PTPRT: variants seen among roughly 807,000 people sequenced by gnomAD.
The protein encoded by PTPRT is receptor-type tyrosine-protein phosphatase T.
In PTPRT, 56 loss-of-function variants were observed where a neutral mutation model predicts 176.8. That is an observed-to-expected ratio of 0.32 (90% CI 0.26 to 0.40). The LOEUF is 0.40. PTPRT is among the 10% of genes least tolerant of loss of function. The probability of loss-of-function intolerance (pLI) is 1.00; values close to 1 mark genes in which losing one functional copy is unlikely to be tolerated. For synonymous variants in PTPRT, 783 were observed against 739.0 expected (o/e 1.06, Z -0.96); for missense variants, 1,540 against 1,908.2 (o/e 0.81, Z 3.60).
At chr20:42,697,108 C>A (rs6102993) in intron 6 of PTPRT, among the ~76,000 whole-genome samples, 2 of 151,836 alleles carry the variant, frequency 1.3e-5, no homozygotes, top group Non-Finnish European at 2.9e-5. Context: ...AAGGTACAAG[C>A]GGATGCACCA....
intron 9 of PTPRT, among the ~76,000 whole-genome samples, chr20:42,407,354 G>A (rs1434821282): frequency 6.6e-6 from 1 of 152,144 alleles, no homozygotes; most frequent in Non-Finnish European, 1.5e-5. Flanking sequence ...AGTTATAAAA[G>A]CCAATGCATT....
chr20:42,078,693 C>T lies in PTPRT; in HGVS notation c.*2186G>A, dbSNP rs1048490459. 6.7e-5 allele frequency: 12 copies of T among 179,028 alleles called. No homozygotes were observed. Among genetic ancestry groups the T allele is most frequent in the East Asian group, 5.6e-4 (6 of 10,750 alleles). 11.1% of individuals were successfully genotyped at this position (179,028 alleles called of 1,614,324 possible). On this transcript the variant is annotated 3_prime_UTR_variant, in exon 31 of 31. Coordinates refer to ENST00000373187, the MANE Select transcript of PTPRT (RefSeq NM_007050.6). ...CCCTGGCTCATCTCTTGCTGCTCCC[C>T]GTGTTGTGCTGTGCCCGCACTGGGC...
intron 26 of PTPRT, among the ~76,000 whole-genome samples, chr20:42,099,634 T>C (rs916751961): frequency 4.1e-5 from 6 of 147,500 alleles, no homozygotes; most frequent in Non-Finnish European, 5.9e-5. Context: ...TTTGAAAAGA[T>C]TGGGAAGATT....
Position 42,738,763 on chromosome 20 carries a change from A to G in PTPRT, c.859+17699T>C, listed in dbSNP as rs139292437. On this transcript the variant is annotated intron_variant, in intron 6 of 30. Transcript: ENST00000373187. ...TGGCACTGTCCAGGTGTATATTTCT[A>G]TACTAATTTAACAAAGTGGCAAATG... 2.1e-3 allele frequency among the ~76,000 whole-genome samples: 326 copies of G among 152,252 alleles called. 1 individual carries two copies. The highest frequency in any genetic ancestry group is 7.6e-3 in the African/African-American group (315 of 41,562).
intron 4 of PTPRT, among the ~76,000 whole-genome samples, chr20:42,774,504 C>T (rs964167745): frequency 2.0e-5 from 3 of 152,186 alleles, no homozygotes; most frequent in African/African-American, 7.2e-5. Flanking sequence ...GAAATCCAGA[C>T]TTTATATGAA....
At chr20:42,160,448 C>CA (rs1989542466) in intron 17 of PTPRT, among the ~76,000 whole-genome samples, 1 of 108,526 alleles carries the variant, frequency 9.2e-6, no homozygotes, top group Non-Finnish European at 1.7e-5. Flanking sequence ...GGATTTGAAA[C>CA]AAAAAGAGTG....
intron 7 of PTPRT, among the ~76,000 whole-genome samples, chr20:42,646,424 G>C (rs1314138877): frequency 6.6e-6 from 1 of 152,094 alleles, no homozygotes; most frequent in African/African-American, 2.4e-5. Flanking sequence ...TTGAGTTATT[G>C]CAACAGAGGT....
intron 9 of PTPRT, among the ~76,000 whole-genome samples, chr20:42,446,142 C>G (rs74690377): frequency 6.6e-6 from 1 of 152,148 alleles, no homozygotes; most frequent in Admixed American, 6.5e-5. Flanking sequence ...AGAGATATGA[C>G]TCCACCTGCA....
intron 1 of PTPRT, among the ~76,000 whole-genome samples, chr20:43,069,404 A>T (rs1220864694): frequency 6.6e-6 from 1 of 152,240 alleles, no homozygotes; most frequent in African/African-American, 2.4e-5. Flanking sequence ...ATTAACATCA[A>T]AATGATGACA....
intron 9 of PTPRT, among the ~76,000 whole-genome samples, chr20:42,382,519 G>T (rs2058706634): frequency 6.6e-6 from 1 of 152,182 alleles, no homozygotes. Context: ...CTGGAACTGA[G>T]ACATAAGGGA....
At chr20:42,042,884 A>T in the PTPRT span, among the ~76,000 whole-genome samples, 2 of 152,326 alleles carry the variant, frequency 1.3e-5, no homozygotes, top group East Asian at 3.9e-4. Context: ...CTCCATGGGG[A>T]TGGGCACCCC....
chr20:42,480,133 G>C (rs746441797), intron 7 of PTPRT, among the ~76,000 whole-genome samples: 2 of 152,146 alleles, frequency 1.3e-5, no homozygotes, highest in Non-Finnish European at 2.9e-5. Flanking sequence ...TCATGACATG[G>C]GGAAAAGAAC....
chr20:42,351,570 T>C (rs2058284517), intron 10 of PTPRT, among the ~76,000 whole-genome samples: 1 of 152,220 alleles, frequency 6.6e-6, no homozygotes, highest in Non-Finnish European at 1.5e-5. Context: ...TTTAGGATAA[T>C]GAAAGCTGTA....
rs143835921 is a variant in PTPRT at position 43,124,786 on chromosome 20, A to G, written c.88+64860T>C. ...GGGTGCAATGAACCATAAACAATAC[A>G]TGACAGAAATAAGCAAATTACACTG... On this transcript the variant is annotated intron_variant, in intron 1 of 30. Coordinates refer to ENST00000373187, the MANE Select transcript of PTPRT (RefSeq NM_007050.6). Among the ~76,000 whole-genome samples the G allele has an allele frequency of 4.3e-3, 652 of 152,342 alleles. 5 individuals carry two copies. The highest frequency in any genetic ancestry group is 0.015 in the African/African-American group (609 of 41,574).
chr20:42,630,083 T>C (rs2074374928), intron 7 of PTPRT, among the ~76,000 whole-genome samples: 1 of 152,160 alleles, frequency 6.6e-6, no homozygotes, highest in African/African-American at 2.4e-5. Context: ...TTGGGTGGGC[T>C]CAGTGTAATC....
At chr20:42,464,366 C>T (rs2071070515) in intron 8 of PTPRT, among the ~76,000 whole-genome samples, 1 of 152,146 alleles carries the variant, frequency 6.6e-6, no homozygotes, top group African/African-American at 2.4e-5. Flanking sequence ...AATCAATATA[C>T]AGCATGAGGT....
At position 42,166,935 on chromosome 20, in the gene PTPRT, A is replaced by G. The variant is rs73909226; in HGVS notation, c.2492-5393T>C. On this transcript the variant is annotated intron_variant, in intron 16 of 30. Transcript: ENST00000373187. ...AGACTCCATCTTAGAAAAAAAAAAA[A>G]GGGGGGTCTGTTCATGTTGCATGAG... Among the ~76,000 whole-genome samples the G allele has an allele frequency of 5.1e-3, 759 of 148,506 alleles. 5 individuals carry two copies. The highest frequency in any genetic ancestry group is 0.014 in the African/African-American group (548 of 38,610).
At chr20:42,404,482 T>A (rs2058940722) in intron 9 of PTPRT, among the ~76,000 whole-genome samples, 1 of 152,146 alleles carries the variant, frequency 6.6e-6, no homozygotes, top group Non-Finnish European at 1.5e-5. Context: ...TCATCTATTC[T>A]TACAGCATCA....
At chr20:43,055,997 T>C (rs539077716) in intron 1 of PTPRT, among the ~76,000 whole-genome samples, 5 of 152,324 alleles carry the variant, frequency 3.3e-5, no homozygotes, top group Admixed American at 6.5e-5. Flanking sequence ...ACTATTATAT[T>C]AGACAGAAAT....
Sources: gnomAD v4.1 joint callset for allele counts (sites outside exome capture counted in the v4.1 genomes callset) on GRCh38, gnomAD v4.1.1 for gene constraint, MANE v1.5 for transcripts, NCBI Gene and HGNC (gene_info 2026-07-23, HGNC 2026-07-21) for gene names.